MCM5: variants seen among roughly 807,000 people sequenced by gnomAD.
MCM5 encodes minichromosome maintenance complex component 5, also known as DNA replication licensing factor MCM5.
Under a neutral mutation model 79.9 loss-of-function variants are expected in MCM5, and 46 were observed. That is an observed-to-expected ratio of 0.58 (90% CI 0.45 to 0.74). The LOEUF (loss-of-function observed/expected upper bound fraction) is 0.74. MCM5 is among the 30% of genes least tolerant of loss of function. The probability of loss-of-function intolerance (pLI) is 0.00; values close to 1 mark genes in which losing one functional copy is unlikely to be tolerated. For synonymous variants in MCM5, 404 were observed against 390.5 expected (o/e 1.03, Z -0.41); for missense variants, 883 against 1,017.0 (o/e 0.87, Z 1.79).
chr22:35,425,953 G>A (rs1393172360), downstream of MCM5, among the ~76,000 whole-genome samples: 1 of 152,080 alleles, frequency 6.6e-6, no homozygotes, highest in Non-Finnish European at 1.5e-5. Flanking sequence ...TGGTGGCTCC[G>A]AACTCCACCC....
downstream of MCM5, among the ~76,000 whole-genome samples, chr22:35,429,149 C>A (rs1235905979): frequency 1.3e-5 from 2 of 151,854 alleles, no homozygotes; most frequent in African/African-American, 4.8e-5. Flanking sequence ...CCATGCTTGG[C>A]TAATTTTTGT....
the MCM5 span, among the ~76,000 whole-genome samples, chr22:35,453,819 T>TATATATATAGAGAGAGAGAGAGAGAG: frequency 1.2e-5 from 1 of 81,548 alleles, no homozygotes; most frequent in African/African-American, 6.0e-5. Context: ...TATATATATA[T>TATATATATAGAGAGAGAGAGAGAGAG]AGAGAGAGAG....
chr22:35,434,281 T>C, the MCM5 span, among the ~76,000 whole-genome samples: 1 of 152,220 alleles, frequency 6.6e-6, no homozygotes, highest in African/African-American at 2.4e-5. Context: ...GCCCTTTTTT[T>C]CCCTACTAGC....
Position 35,410,857 on chromosome 22 carries a change from T to G in MCM5, c.866T>G (p.Ile289Ser), listed in dbSNP as rs202070947. The G allele has an allele frequency of 4.8e-5, 77 of 1,613,368 alleles. No individual in the cohort carries two copies. Among genetic ancestry groups the G allele is most frequent in the Non-Finnish European group, 6.4e-5 (75 of 1,179,508 alleles). The part of the protein sequence containing the change: ...SRGRDRVGVG[I>S]RSSYIRVLGI... ...GGCCGTGACAGGGTGGGCGTGGGCATCCGAAGCTCCTACATCCGTGTCCTG... is the reference window on the plus strand; with the variant it reads ...GGCCGTGACAGGGTGGGCGTGGGCAGCCGAAGCTCCTACATCCGTGTCCTG... Residue 289 changes from isoleucine (I) to serine (S), a missense_variant, in exon 7 of 17, where the codon ATC (isoleucine) becomes AGC (serine). Transcript: ENST00000216122.
chr22:35,409,201 G>C (rs1037125898), intron 6 of MCM5, among the ~76,000 whole-genome samples: 1 of 152,206 alleles, frequency 6.6e-6, no homozygotes, highest in Non-Finnish European at 1.5e-5. Context: ...CTGACCTCAT[G>C]ATCCGCCCGC....
In MCM5 at chr22:35,419,979, G is replaced by C. The variant is rs754768505; in HGVS notation, c.1799G>C (p.Ser600Thr). The change falls in exon 14 of 17, where the codon AGT becomes ACT. Residue 600 changes from serine to threonine, a missense_variant. Ser to Thr is a moderately conservative substitution (Grantham distance 58, BLOSUM62 1). Transcript: ENST00000216122. ...RSGARQHERDSDRRSSIPITV... is the reference protein window; with the variant it reads ...RSGARQHERDTDRRSSIPITV... ...GGGGCCCGTCAGCACGAGAGGGACA[G>C]TGACCGCCGCTCCAGCATCCCCATC... The C allele has an allele frequency of 6.2e-7, 1 of 1,612,376 alleles. No homozygotes were observed. Among genetic ancestry groups the C allele is most frequent in the Non-Finnish European group, 8.5e-7 (1 of 1,179,214 alleles).
chr22:35,411,101 G>C (rs1569066355), intron 7 of MCM5, 191 bp downstream of exon 7: 1 of 523,542 alleles, frequency 1.9e-6, no homozygotes, highest in Non-Finnish European at 3.3e-6. Flanking sequence ...TGGCTCCTGG[G>C]CTGAGGGTGT....
At chr22:35,437,383 C>A in the MCM5 span, among the ~76,000 whole-genome samples, 1 of 152,152 alleles carries the variant, frequency 6.6e-6, no homozygotes, top group Non-Finnish European at 1.5e-5. Flanking sequence ...TGTGGGGTGG[C>A]ATAACAAGAG....
chr22:35,401,056 G>A (rs1295930762), intron 2 of MCM5, among the ~76,000 whole-genome samples: 1 of 152,186 alleles, frequency 6.6e-6, no homozygotes, highest in Non-Finnish European at 1.5e-5. Flanking sequence ...CTGACCTCAA[G>A]TGATCCACCC....
chr22:35,451,219 T>C, the MCM5 span, among the ~76,000 whole-genome samples: 1 of 152,240 alleles, frequency 6.6e-6, no homozygotes, highest in Non-Finnish European at 1.5e-5. Context: ...TGGGGTTGCC[T>C]TGGCAACTGT....
At chr22:35,448,902 G>A in the MCM5 span, among the ~76,000 whole-genome samples, 2 of 152,184 alleles carry the variant, frequency 1.3e-5, no homozygotes, top group African/African-American at 4.8e-5. Context: ...GGTGGTGGCA[G>A]ACGGGCAAGA....
At position 35,415,843 on chromosome 22, in the gene MCM5, G is replaced by T. The variant is rs760171355; in HGVS notation, c.1218G>T (p.Gly406=). 6.2e-7 allele frequency: 1 copy of T among 1,613,386 alleles called. No individual in the cohort carries two copies. The highest frequency in any genetic ancestry group is 1.7e-5 in the Admixed American group (1 of 60,004). The change falls in exon 10 of 17, where the codon GGG becomes GGT. Residue 406 remains glycine (G), a synonymous_variant. Coordinates refer to ENST00000216122, the MANE Select transcript of MCM5 (RefSeq NM_006739.4). ...CACTGCCCCAGGTATACACGTCTGG[G>T]AAAGGCAGCAGCGCAGCTGGACTGA... ...KCSPIGVYTS[G]KGSSAAGLTA...
intron 7 of MCM5, 83 bp from the exon 8 acceptor site, chr22:35,412,427 A>T: frequency 8.3e-7 from 1 of 1,202,210 alleles, no homozygotes. Flanking sequence ...GCCTTCTGGG[A>T]GGTCCCTGAG....
chr22:35,431,271 C>G, the MCM5 span, among the ~76,000 whole-genome samples: 6 of 152,162 alleles, frequency 3.9e-5, no homozygotes, highest in African/African-American at 1.4e-4. Context: ...AGTGGGTATC[C>G]TCGTCCTGGG....
chr22:35,446,727 C>A, the MCM5 span, among the ~76,000 whole-genome samples: 6 of 152,184 alleles, frequency 3.9e-5, no homozygotes, highest in Non-Finnish European at 8.8e-5. Context: ...TCCAGATTGG[C>A]TTCTCCTCTA....
intron 5 of MCM5, among the ~76,000 whole-genome samples, chr22:35,407,613 G>A (rs370690118): frequency 1.7e-4 from 26 of 152,126 alleles, no homozygotes; most frequent in African/African-American, 6.3e-4. Flanking sequence ...CCTCTACTGG[G>A]AGTGCTGTTC....
chr22:35,416,424 G>C lies in MCM5; in HGVS notation c.1413+20G>C, dbSNP rs746811258. On this transcript the variant is annotated intron_variant, in intron 11 of 16. Coordinates refer to ENST00000216122, the MANE Select transcript of MCM5 (RefSeq NM_006739.4). The stretch of plus-strand genomic sequence containing the variant: ...GCCAAGGTGAGTGGCCCTCCATGGA[G>C]AGCCCAGCCTGCAGCAGCCCAGCGT... The C allele has an allele frequency of 6.2e-7, 1 of 1,611,066 alleles. No homozygotes were observed. The highest frequency in any genetic ancestry group is 8.5e-7 in the Non-Finnish European group (1 of 1,179,566).
At chr22:35,447,477 A>G in the MCM5 span, among the ~76,000 whole-genome samples, 2 of 151,432 alleles carry the variant, frequency 1.3e-5, no homozygotes. Flanking sequence ...GTATTTATTT[A>G]TTTATTTATT....
Position 35,402,354 on chromosome 22 carries a change from T to G in MCM5, c.168-853T>G, listed in dbSNP as rs554072976. Among the ~76,000 whole-genome samples, 5 of 148,848 alleles carry G rather than the reference T, an allele frequency of 3.4e-5. No individual in the cohort carries two copies. The East Asian group carries it at 7.8e-4, about 23-fold the overall frequency. On this transcript the variant is annotated intron_variant, in intron 2 of 16. Transcript: ENST00000216122. Reference sequence around the variant, plus strand: ...TTGTTTTTTTTTTTTTGAGATGGAGTCTCGCTCTGTCACCCAGGTTTGAGT... The same window carrying G: ...TTGTTTTTTTTTTTTTGAGATGGAGGCTCGCTCTGTCACCCAGGTTTGAGT...
Sources: gnomAD v4.1 joint callset for allele counts (sites outside exome capture counted in the v4.1 genomes callset) on GRCh38, gnomAD v4.1.1 for gene constraint, MANE v1.5 for transcripts, NCBI Gene and HGNC (gene_info 2026-07-23, HGNC 2026-07-21) for gene names.